The following NT5DC3 variants were observed in gnomAD, a reference collection of about 807,000 sequenced individuals.
The protein encoded by NT5DC3 is 5'-nucleotidase domain containing 3.
Under a neutral mutation model 67.8 loss-of-function variants are expected in NT5DC3, and 42 were observed. That is an observed-to-expected ratio of 0.62 (90% CI 0.48 to 0.80). The LOEUF (loss-of-function observed/expected upper bound fraction) is 0.80. Among genes scored for constraint, NT5DC3 ranks in the 30% least tolerant of loss-of-function variants. The pLI is 0.00. For missense variants in NT5DC3, 570 were observed against 696.4 expected (o/e 0.82, Z 2.04); for synonymous variants, 237 against 255.6 (o/e 0.93, Z 0.69).
intron 2 of NT5DC3, among the ~76,000 whole-genome samples, chr12:103,807,605 C>G (rs1377278443): frequency 6.6e-6 from 1 of 152,252 alleles, no homozygotes; most frequent in South Asian, 2.1e-4. Flanking sequence ...TAGGGAGGCC[C>G]TTCCTTGGCA....
intron 6 of NT5DC3, among the ~76,000 whole-genome samples, chr12:103,795,230 G>A (rs1363241046): frequency 6.6e-6 from 1 of 152,190 alleles, no homozygotes; most frequent in Non-Finnish European, 1.5e-5. Flanking sequence ...CAACCTCACT[G>A]TGCCTCGATG....
At chr12:103,816,041 G>C (rs1470347066) in intron 1 of NT5DC3, among the ~76,000 whole-genome samples, 5 of 151,754 alleles carry the variant, frequency 3.3e-5, no homozygotes, top group Non-Finnish European at 7.4e-5. Context: ...ATATTTACAG[G>C]TTTGCATTGA....
intron 4 of NT5DC3, among the ~76,000 whole-genome samples, chr12:103,802,956 T>C (rs12228207): frequency 0.22 from 33,252 of 152,076 alleles, 4,171 homozygotes; most frequent in South Asian, 0.44. Context: ...TTGGGAGTAA[T>C]GATTTAGGGA....
chr12:103,761,356 C>T, the NT5DC3 span: 1 of 1,613,964 alleles, frequency 6.2e-7, no homozygotes, highest in Admixed American at 1.7e-5. Flanking sequence ...TCTTTGCCTC[C>T]AATGGGATCA....
At chr12:103,818,377 T>C (rs1019163666) in intron 1 of NT5DC3, among the ~76,000 whole-genome samples, 13 of 151,418 alleles carry the variant, frequency 8.6e-5, no homozygotes, top group Admixed American at 7.2e-4. Context: ...ATAACGACCA[T>C]GGCCTTTTTT....
At chr12:103,822,235 T>A (rs1486427592) in intron 1 of NT5DC3, 1 of 149,742 alleles carries the variant, frequency 6.7e-6, no homozygotes, top group Non-Finnish European at 1.5e-5. Context: ...TTGACAGATT[T>A]GCAACATAAG....
intron 2 of NT5DC3, among the ~76,000 whole-genome samples, chr12:103,810,832 G>A (rs1886997992): frequency 3.3e-5 from 5 of 152,144 alleles, no homozygotes; most frequent in Admixed American, 2.0e-4. Flanking sequence ...TAACCTCTAC[G>A]TTACAACACT....
At chr12:103,754,141 C>G in the NT5DC3 span, among the ~76,000 whole-genome samples, 1 of 152,002 alleles carries the variant, frequency 6.6e-6, no homozygotes, top group Non-Finnish European at 1.5e-5. Context: ...TTTTTCAGAC[C>G]TGGTATTCCT....
At chr12:103,828,995 G>A (rs570774661) in intron 1 of NT5DC3, among the ~76,000 whole-genome samples, 3 of 152,146 alleles carry the variant, frequency 2.0e-5, no homozygotes, top group Non-Finnish European at 4.4e-5. Context: ...CACTGAACCC[G>A]GCCTCTCCTG....
chr12:103,786,676 G>GTTCAATT (rs1197061627), intron 11 of NT5DC3, among the ~76,000 whole-genome samples: 1 of 104,344 alleles, frequency 9.6e-6, no homozygotes, highest in Non-Finnish European at 2.0e-5. Context: ...TTCCTCACTG[G>GTTCAATT]TTTGATTTTT....
At chr12:103,790,474 C>CGGG in intron 9 of NT5DC3, among the ~76,000 whole-genome samples, 2 of 151,758 alleles carry the variant, frequency 1.3e-5, no homozygotes, top group Non-Finnish European at 2.9e-5. Flanking sequence ...TGGGATTTCA[C>CGGG]CATGTTGAAC....
At position 103,793,462 on chromosome 12, in the gene NT5DC3, C is replaced by T. The variant is rs754486685; in HGVS notation, c.865G>A (p.Ala289Thr). The T allele has an allele frequency of 3.1e-6, 5 of 1,614,200 alleles. No homozygotes were observed. The Admixed American group carries it at 8.3e-5, about 27-fold the overall frequency. Residue 289 changes from alanine to threonine, a missense_variant, in exon 8 of 14, where the codon GCT becomes ACT. Physicochemically the swap from Ala to Thr is moderately conservative, Grantham distance 58. Around this residue, in one of 2 missense-constraint regions of NT5DC3, gnomAD observed 466 missense variants for 608.0 expected, o/e 0.77. Coordinates refer to ENST00000392876, the MANE Select transcript of NT5DC3 (RefSeq NM_001031701.3). Reference sequence around the variant, plus strand: ...AGAAACATCTTCTTGCCATGATCAGCCAGTTTGGCCAACACTGCGCGGGTC... The same window carrying T: ...AGAAACATCTTCTTGCCATGATCAGTCAGTTTGGCCAACACTGCGCGGGTC... ...EQTRAVLAKL[A>T]DHGKKMFLIT...
At chr12:103,785,547 C>T in intron 11 of NT5DC3, 72 bp from the exon 12 acceptor site, 1 of 1,445,330 alleles carries the variant, frequency 6.9e-7, no homozygotes, top group South Asian at 1.2e-5. Flanking sequence ...TTTTCCCAGA[C>T]ATGAGAGGCA....
At chr12:103,781,228 G>T (rs1264476349) in intron 12 of NT5DC3, among the ~76,000 whole-genome samples, 2 of 152,222 alleles carry the variant, frequency 1.3e-5, no homozygotes, top group Admixed American at 1.3e-4. Context: ...GACCACAGGG[G>T]TAACCTTAGA....
At chr12:103,794,148 CTTCTTTTTTT>C (rs1420007842) in intron 6 of NT5DC3, 151 bp from the exon 7 acceptor site, 2 of 488,440 alleles carry the variant, frequency 4.1e-6, no homozygotes, top group Non-Finnish European at 7.1e-6. Context: ...CCATTTTCTT[CTTCTTTTTTT>C]TTTTTTTTTG....
chr12:103,793,230 C>T lies in NT5DC3; in HGVS notation c.953G>A (p.Trp318Ter). The change falls in exon 9 of 14, where the codon TGG (tryptophan) becomes TAG (stop). Residue 318 changes from tryptophan (W) to a stop codon, truncating the protein, a stop_gained. Coordinates refer to ENST00000392876, the MANE Select transcript of NT5DC3 (RefSeq NM_001031701.3). LOFTEE classifies it high-confidence loss of function. ...KGMSYIVGKD[W>*]RDLFDVVIVQ... ...AATGACCACATCGAACAGGTCCCTC[C>T]AGTCTTTCCCAACGATATAACTCAT... 2 of 1,610,552 alleles carry T rather than the reference C, an allele frequency of 1.2e-6. No homozygotes were observed. The highest frequency in any genetic ancestry group is 1.7e-6 in the Non-Finnish European group (2 of 1,179,232).
chr12:103,834,092 C>G (rs1888045932), intron 1 of NT5DC3, among the ~76,000 whole-genome samples: 1 of 152,042 alleles, frequency 6.6e-6, no homozygotes, highest in Admixed American at 6.5e-5. Flanking sequence ...AGGCCAGCAG[C>G]ACCCCTCTCC....
At chr12:103,837,389 T>C (rs976099854) in intron 1 of NT5DC3, among the ~76,000 whole-genome samples, 1 of 152,276 alleles carries the variant, frequency 6.6e-6, no homozygotes, top group African/African-American at 2.4e-5. Context: ...TTAGGCTCTT[T>C]GCTACTTATG....
chr12:103,819,131 G>T (rs961850712), intron 1 of NT5DC3, among the ~76,000 whole-genome samples: 2 of 152,204 alleles, frequency 1.3e-5, no homozygotes, highest in African/African-American at 4.8e-5. Context: ...TCCAAAAGCT[G>T]CATGGGAATT....
Sources: gnomAD v4.1 joint callset for allele counts (sites outside exome capture counted in the v4.1 genomes callset) on GRCh38, gnomAD v4.1.1 for gene constraint, gnomAD v4.1.1 regional missense constraint, MANE v1.5 for transcripts, NCBI Gene and HGNC (gene_info 2026-07-23, HGNC 2026-07-21) for gene names.